The following MTRES1 variants were observed in gnomAD, a reference collection of about 807,000 sequenced individuals.
MTRES1 encodes the protein uncharacterized protein C6orf203.
In MTRES1, 11 loss-of-function variants were observed where a neutral mutation model predicts 17.4. That is an observed-to-expected ratio of 0.63 (90% CI 0.40 to 1.05). The LOEUF (loss-of-function observed/expected upper bound fraction) is 1.05, where lower values mean the gene tolerates loss of function less well. Ranked by LOEUF, MTRES1 falls within the 50% of genes least tolerant of loss-of-function variation. MTRES1 has a pLI of 0.00. For synonymous variants in MTRES1, 94 were observed against 99.6 expected, an observed-to-expected ratio of 0.94 and a Z score of 0.34; for missense variants, 268 against 276.2, an observed-to-expected ratio of 0.97 and a Z score of 0.21.
At chr6:107,048,593 A>G (rs1209864261) in intron 3 of MTRES1, among the ~76,000 whole-genome samples, 3 of 151,534 alleles carry the variant, frequency 2.0e-5, no homozygotes, top group Admixed American at 6.6e-5. Flanking sequence ...CATTCTGGCC[A>G]ACATGATGAA....
intron 3 of MTRES1, 92 bp from the exon 4 acceptor site, chr6:107,050,965 T>TGA (rs1774583331): frequency 1.9e-6 from 2 of 1,052,296 alleles, no homozygotes; most frequent in Admixed American, 4.1e-5. Flanking sequence ...CTCTGGGTCA[T>TGA]GATCATGTGG....
In MTRES1 at chr6:107,046,936, G is replaced by T. The variant is rs1413863310; in HGVS notation, c.543+2604G>T. Reference sequence around the variant, plus strand: ...GCTCCAAAGGGATTCATTCTTGTGTGTGTGTGTGTGTGTGTGTGTGTGTGT... The same window carrying T: ...GCTCCAAAGGGATTCATTCTTGTGTTTGTGTGTGTGTGTGTGTGTGTGTGT... On this transcript the variant is annotated intron_variant, in intron 3 of 3. Transcript: ENST00000311381. Among the ~76,000 whole-genome samples the T allele has an allele frequency of 6.6e-4, 8 of 12,086 alleles. No individual in the cohort carries two copies. In the Admixed American group the frequency reaches 0.01, roughly 15 times the overall value. The allele number at this position is 12,086 out of a possible 152,430, so 7.9% of individuals were successfully genotyped here. A position where few individuals can be genotyped will look rare whatever the true frequency, so the allele number is the denominator to read the frequency against.
chr6:107,051,552 G>A lies in MTRES1; in HGVS notation c.*316G>A, dbSNP rs1774605540. 6.6e-6 allele frequency among the ~76,000 whole-genome samples: 1 copy of A among 152,140 alleles called. No homozygotes were observed. The highest frequency in any genetic ancestry group is 2.1e-4 in the South Asian group (1 of 4,828). On this transcript the variant is annotated 3_prime_UTR_variant, in exon 4 of 4. Coordinates refer to ENST00000311381, the MANE Select transcript of MTRES1 (RefSeq NM_016487.5). ...CTGTTTCCCACATAAACTACCTCAGGAGTCACTGTAAAATAAACTGGCCTT... is the reference window on the plus strand; with the variant it reads ...CTGTTTCCCACATAAACTACCTCAGAAGTCACTGTAAAATAAACTGGCCTT...
chr6:107,037,443 T>A lies in MTRES1; in HGVS notation c.-12-2306T>A, dbSNP rs1029372152. 5.9e-5 allele frequency among the ~76,000 whole-genome samples: 9 copies of A among 152,138 alleles called. No homozygotes were observed. The South Asian group carries it at 1.9e-3, about 32-fold the overall frequency. ...CCAGGCTGGTCTTGAACTCCTCACCTCAAGTGATCCTCCCTCCTTGGACTC... is the reference window on the plus strand; with the variant it reads ...CCAGGCTGGTCTTGAACTCCTCACCACAAGTGATCCTCCCTCCTTGGACTC... On this transcript the variant is annotated intron_variant, in intron 1 of 3. Transcript: ENST00000311381.
At chr6:107,043,747 C>A (rs1774296071) in intron 2 of MTRES1, among the ~76,000 whole-genome samples, 1 of 152,152 alleles carries the variant, frequency 6.6e-6, no homozygotes, top group Non-Finnish European at 1.5e-5. Flanking sequence ...ATAAGTGGAT[C>A]TGCACAGTTT....
chr6:107,049,408 C>CTT (rs782057719), intron 3 of MTRES1, among the ~76,000 whole-genome samples: 1,790 of 99,170 alleles, frequency 0.018, 26 homozygotes, highest in East Asian at 0.022. Context: ...TATGGCCCTT[C>CTT]TTTTTTTTTT....
At position 107,051,095 on chromosome 6, in the gene MTRES1, G is replaced by C. The variant is rs782483224; in HGVS notation, c.582G>C (p.Glu194Asp). ...VGDTLDLLIG[E>D]DKEAGTETVM... ...ATACATTGGATCTTCTCATTGGAGA[G>C]GATAAAGAAGCAGGAACAGAGACAG... Residue 194 changes from glutamate to aspartate, a missense_variant, in exon 4 of 4, where the codon GAG becomes GAC. Physicochemically the swap from Glu to Asp is conservative, Grantham distance 45. Transcript: ENST00000311381. 1 of 1,613,542 alleles carries C rather than the reference G, an allele frequency of 6.2e-7. No homozygotes were observed. Among genetic ancestry groups the C allele is most frequent in the South Asian group, 1.1e-5 (1 of 91,040 alleles).
At position 107,039,916 on chromosome 6, in the gene MTRES1, A is replaced by C. The variant is rs781813115; in HGVS notation, c.156A>C (p.Ala52=). 3.1e-6 allele frequency: 5 copies of C among 1,613,996 alleles called. No homozygotes were observed. The East Asian group carries it at 1.1e-4, about 36-fold the overall frequency. Reference sequence around the variant, plus strand: ...ATTTTTCTAGTACCAAGTTACGTGCACCAAATTATAAAACACTTTTTTATA... The same window carrying C: ...ATTTTTCTAGTACCAAGTTACGTGCCCCAAATTATAAAACACTTTTTTATA... ...YLYFSSTKLR[A]PNYKTLFYNI... Residue 52 remains alanine, a synonymous_variant, in exon 2 of 4, where the codon GCA becomes GCC. Transcript: ENST00000311381.
At chr6:107,043,862 T>C (rs782756767) in intron 2 of MTRES1, among the ~76,000 whole-genome samples, 27 of 152,246 alleles carry the variant, frequency 1.8e-4, no homozygotes, top group Admixed American at 5.2e-4. Flanking sequence ...GACGCGGTGG[T>C]TCACGCCTGT....
chr6:107,038,401 G>C (rs1774080233), intron 1 of MTRES1, among the ~76,000 whole-genome samples: 1 of 152,126 alleles, frequency 6.6e-6, no homozygotes, highest in Non-Finnish European at 1.5e-5. Flanking sequence ...GTGTGAGTCT[G>C]CCACCATCAT....
At chr6:107,049,516 C>T (rs1347012368) in intron 3 of MTRES1, among the ~76,000 whole-genome samples, 1 of 147,002 alleles carries the variant, frequency 6.8e-6, no homozygotes, top group East Asian at 2.0e-4. Context: ...CGGATTCATG[C>T]CATTCTTCTG....
At chr6:107,037,758 G>A (rs558511719) in intron 1 of MTRES1, among the ~76,000 whole-genome samples, 12 of 151,818 alleles carry the variant, frequency 7.9e-5, no homozygotes, top group Middle Eastern at 3.4e-3. Flanking sequence ...TCACTCTATC[G>A]CCCAGGCTGG....
chr6:107,029,752 G>A (rs1370169995), intron 1 of MTRES1, among the ~76,000 whole-genome samples: 1 of 152,098 alleles, frequency 6.6e-6, no homozygotes, highest in African/African-American at 2.4e-5. Context: ...CCCAAGTACT[G>A]GAATTACAGG....
chr6:107,028,829 T>G (rs901673425), intron 1 of MTRES1: 6 of 953,668 alleles, frequency 6.3e-6, no homozygotes, highest in Non-Finnish European at 7.5e-6. Flanking sequence ...CTCCTGAAGA[T>G]GTCACCCAAA....
chr6:107,044,136 A>T lies in MTRES1; in HGVS notation c.471-124A>T, dbSNP rs144780088. 939 of 662,070 alleles carry T rather than the reference A, an allele frequency of 1.4e-3. 9 individuals are homozygous for T. In the East Asian group the frequency reaches 0.025, roughly 17 times the overall value. The allele number at this position is 662,070 out of a possible 1,614,324, so 41.0% of individuals were successfully genotyped here. A position where few individuals can be genotyped will look rare whatever the true frequency, so the allele number is the denominator to read the frequency against. On this transcript the variant is annotated intron_variant, in intron 2 of 3. Transcript: ENST00000311381. ...GACTTTGTCTCAAAAAACAAACAAAAAAAATAGATTTGAGGGTACAAGTGT... is the reference window on the plus strand; with the variant it reads ...GACTTTGTCTCAAAAAACAAACAAATAAAATAGATTTGAGGGTACAAGTGT...
chr6:107,046,933 TGTGTGTGTGTGTGTGTGTG>T (rs1774412412), intron 3 of MTRES1, among the ~76,000 whole-genome samples: 39 of 146,842 alleles, frequency 2.7e-4, no homozygotes, highest in South Asian at 8.7e-4. Context: ...TTCATTCTTG[TGTGTGTGTGTGTGTGTGTG>T]TGTGTGTGTG....
intron 1 of MTRES1, chr6:107,030,092 T>A (rs1554226248): frequency 2.8e-6 from 2 of 718,576 alleles, no homozygotes; most frequent in Non-Finnish European, 5.2e-6. Flanking sequence ...GTGCCCAGAT[T>A]AGTGCTTGGC....
chr6:107,051,214 C>T lies in MTRES1; in HGVS notation c.701C>T (p.Pro234Leu). The stretch of plus-strand genomic sequence containing the variant: ...CGGCGGTGGAAAAGTTTAAAGTTGC[C>T]TAAGAAGAGAATGTCTAAATAAATG... The part of the protein sequence containing the change: ...VLRRWKSLKL[P>L]KKRMSK The change falls in exon 4 of 4, where the codon CCT becomes CTT. Residue 234 changes from proline (P) to leucine (L), a missense_variant. Coordinates refer to ENST00000311381, the MANE Select transcript of MTRES1 (RefSeq NM_016487.5). 6.2e-7 allele frequency: 1 copy of T among 1,613,404 alleles called. No individual in the cohort carries two copies. The highest frequency in any genetic ancestry group is 1.1e-5 in the South Asian group (1 of 90,896).
intron 3 of MTRES1, among the ~76,000 whole-genome samples, chr6:107,046,674 G>A (rs1469644851): frequency 2.0e-5 from 3 of 152,288 alleles, no homozygotes; most frequent in Admixed American, 6.5e-5. Context: ...TGCTGACCCC[G>A]AAGGGTCAGG....
Sources: gnomAD v4.1 joint callset for allele counts (sites outside exome capture counted in the v4.1 genomes callset) on GRCh38, gnomAD v4.1.1 for gene constraint, MANE v1.5 for transcripts, NCBI Gene and HGNC (gene_info 2026-07-23, HGNC 2026-07-21) for gene names.